Variants in COL25A1 observed in about 807,000 individuals in gnomAD.
The protein encoded by COL25A1 is collagen type XXV alpha 1 chain.
A neutral mutation model predicts 128.4 loss-of-function variants in COL25A1; 103 were observed. That is an observed-to-expected ratio of 0.80 (90% CI 0.68 to 0.94). The LOEUF (loss-of-function observed/expected upper bound fraction) is 0.94, where lower values mean the gene tolerates loss of function less well. Among genes scored for constraint, COL25A1 ranks in the 40% least tolerant of loss-of-function variants. COL25A1 has a pLI of 0.00. For missense variants in COL25A1, 745 were observed against 840.0 expected (o/e 0.89, Z 1.40); for synonymous variants, 279 against 277.2 (o/e 1.01, Z -0.06).
At chr4:108,850,785 GA>G (rs1735677455) in intron 26 of COL25A1, among the ~76,000 whole-genome samples, 1 of 151,958 alleles carries the variant, frequency 6.6e-6, no homozygotes, top group Non-Finnish European at 1.5e-5. Context: ...ATTACTTACT[GA>G]ATAACTGAAT....
chr4:109,140,400 T>A (rs1403730742), intron 3 of COL25A1, among the ~76,000 whole-genome samples: 2 of 152,178 alleles, frequency 1.3e-5, no homozygotes, highest in South Asian at 2.1e-4. Flanking sequence ...CTTAGGATTG[T>A]CTTGGCTATA....
chr4:109,227,074 G>C (rs1453812110), intron 3 of COL25A1, among the ~76,000 whole-genome samples: 1 of 152,130 alleles, frequency 6.6e-6, no homozygotes, highest in African/African-American at 2.4e-5. Context: ...AACTGTGACA[G>C]GTCACCACTA....
chr4:109,037,444 C>T (rs575433689), intron 5 of COL25A1, among the ~76,000 whole-genome samples: 28 of 152,308 alleles, frequency 1.8e-4, no homozygotes, highest in African/African-American at 6.5e-4. Context: ...CCTACTCTGG[C>T]TGCCTCTCAA....
rs563908084 is a variant in COL25A1, at chr4:109,213,477, G to A, written c.367+87106C>T. 7.6e-4 allele frequency among the ~76,000 whole-genome samples: 115 copies of A among 152,230 alleles called. 1 individual carries two copies. The South Asian group carries it at 0.023, about 30-fold the overall frequency. ...CTGTCTTTTCGTGATACTTGTTCTTGGAAACCAGCTGCACGCTGTTGAGGG... is the reference window on the plus strand; with the variant it reads ...CTGTCTTTTCGTGATACTTGTTCTTAGAAACCAGCTGCACGCTGTTGAGGG... On this transcript the variant is annotated intron_variant, in intron 3 of 37. Coordinates refer to ENST00000399132, the MANE Select transcript of COL25A1 (RefSeq NM_198721.4).
chr4:108,925,200 A>G (rs1408609413), intron 11 of COL25A1, among the ~76,000 whole-genome samples: 1 of 152,218 alleles, frequency 6.6e-6, no homozygotes, highest in African/African-American at 2.4e-5. Flanking sequence ...ACAAAATAAG[A>G]TAAAAATGCA....
chr4:109,108,710 C>T (rs1234053939), intron 3 of COL25A1, among the ~76,000 whole-genome samples: 9 of 152,000 alleles, frequency 5.9e-5, no homozygotes, highest in Admixed American at 2.6e-4. Context: ...TCCAATCCTT[C>T]ATTAAGGTGA....
chr4:109,000,152 A>T (rs1316718926), intron 6 of COL25A1, among the ~76,000 whole-genome samples: 1 of 152,152 alleles, frequency 6.6e-6, no homozygotes, highest in African/African-American at 2.4e-5. Context: ...GAGAGAAAGG[A>T]AAAAAGTGTT....
chr4:108,833,237 TG>T (rs2125732757), intron 31 of COL25A1, among the ~76,000 whole-genome samples: 2 of 152,260 alleles, frequency 1.3e-5, no homozygotes, highest in South Asian at 4.1e-4. Flanking sequence ...GCAGCTCTGT[TG>T]GGGGCAGCAG....
At chr4:108,838,066 T>C (rs1453327791) in intron 31 of COL25A1, 1 of 1,447,656 alleles carries the variant, frequency 6.9e-7, no homozygotes, top group South Asian at 1.2e-5. Context: ...AATCTGAGAT[T>C]TGCACTAAAA....
intron 3 of COL25A1, among the ~76,000 whole-genome samples, chr4:109,255,271 T>G (rs1247857392): frequency 1.3e-5 from 2 of 152,198 alleles, no homozygotes; most frequent in Admixed American, 1.3e-4. Flanking sequence ...CTAATCTATT[T>G]CAAGGGTAAC....
At position 109,259,520 on chromosome 4, in the gene COL25A1, T is replaced by G. The variant is rs1408753368; in HGVS notation, c.367+41063A>C. On this transcript the variant is annotated intron_variant, in intron 3 of 37. Coordinates refer to ENST00000399132, the MANE Select transcript of COL25A1 (RefSeq NM_198721.4). ...AATGGCATTTTCCTTTCCTACATCT[T>G]TATTTTGATTTGATATATAAAGCCC... Among the ~76,000 whole-genome samples, 3 of 152,154 alleles carry G rather than the reference T, an allele frequency of 2.0e-5. 1 individual carries two copies. Among genetic ancestry groups the G allele is most frequent in the African/African-American group, 7.2e-5 (3 of 41,432 alleles).
At chr4:109,194,902 G>A (rs1185538157) in intron 3 of COL25A1, among the ~76,000 whole-genome samples, 1 of 152,108 alleles carries the variant, frequency 6.6e-6, no homozygotes, top group Non-Finnish European at 1.5e-5. Flanking sequence ...ACATTGATGT[G>A]TTTTGATAGC....
At chr4:108,815,884 G>C (rs1040838224) in intron 37 of COL25A1, among the ~76,000 whole-genome samples, 53 of 152,160 alleles carry the variant, frequency 3.5e-4, no homozygotes, top group Admixed American at 3.1e-3. Context: ...GCGAACCCAA[G>C]TTCTGAGTGG....
intron 24 of COL25A1, among the ~76,000 whole-genome samples, chr4:108,857,402 A>T (rs530003063): frequency 6.6e-6 from 1 of 152,204 alleles, no homozygotes; most frequent in South Asian, 2.1e-4. Context: ...CCCAGAGGCC[A>T]CTACTTACAT....
At chr4:109,110,841 A>G (rs150016650) in intron 3 of COL25A1, among the ~76,000 whole-genome samples, 46 of 152,148 alleles carry the variant, frequency 3.0e-4, no homozygotes, top group African/African-American at 1.1e-3. Context: ...TCCTCTTTCC[A>G]TGTCTACCAC....
At chr4:108,839,168 G>T (rs144530181) in intron 31 of COL25A1, among the ~76,000 whole-genome samples, 1 of 152,034 alleles carries the variant, frequency 6.6e-6, no homozygotes, top group Non-Finnish European at 1.5e-5. Context: ...TCAGTGTAGC[G>T]CTTGTTAAAC....
At chr4:108,981,136 C>A (rs1752930829) in intron 6 of COL25A1, among the ~76,000 whole-genome samples, 1 of 152,144 alleles carries the variant, frequency 6.6e-6, no homozygotes, top group African/African-American at 2.4e-5. Flanking sequence ...ATAGTATTAA[C>A]AATTGAAAAT....
intron 5 of COL25A1, among the ~76,000 whole-genome samples, chr4:109,028,459 G>T (rs1229664150): frequency 6.6e-6 from 1 of 152,268 alleles, no homozygotes; most frequent in South Asian, 2.1e-4. Context: ...AGGCCCAGTG[G>T]CTCATGTCTG....
In COL25A1 at chr4:109,252,540, T is replaced by C. The variant is rs980031882; in HGVS notation, c.367+48043A>G. Among the ~76,000 whole-genome samples the C allele has an allele frequency of 5.3e-5, 8 of 152,316 alleles. No homozygotes were observed. In the East Asian group the frequency reaches 1.2e-3, roughly 22 times the overall value. On this transcript the variant is annotated intron_variant, in intron 3 of 37. Coordinates refer to ENST00000399132, the MANE Select transcript of COL25A1 (RefSeq NM_198721.4). ...CTCTTCTGCTGAGGTCACCCTTTGG[T>C]GAGCATTCACATAAAGCACAAACAT...
Sources: allele counts gnomAD v4.1 joint callset (sites outside exome capture counted in the v4.1 genomes callset), GRCh38; gene constraint gnomAD v4.1.1; transcripts MANE v1.5; gene names NCBI Gene and HGNC (gene_info 2026-07-23, HGNC 2026-07-21).